The following MYO1E variants were observed in gnomAD, a reference collection of about 807,000 sequenced individuals.
MYO1E encodes the protein myosin IE.
Under a neutral mutation model 151.1 loss-of-function variants are expected in MYO1E, and 68 were observed. The observed-to-expected ratio is 0.45, with a 90% CI of 0.37 to 0.55. The LOEUF is 0.55. Among genes scored for constraint, MYO1E ranks in the 20% least tolerant of loss-of-function variants. The pLI is 0.00. For synonymous variants in MYO1E, 601 were observed against 501.7 expected (o/e 1.20, Z -2.64); for missense variants, 1,363 against 1,389.3 (o/e 0.98, Z 0.30).
intron 1 of MYO1E, among the ~76,000 whole-genome samples, chr15:59,355,055 T>G (rs1440170017): frequency 6.6e-6 from 1 of 152,190 alleles, no homozygotes; most frequent in Non-Finnish European, 1.5e-5. Context: ...GCGGCTGCCT[T>G]GCTGCCACCA....
chr15:59,248,050 C>G (rs1388648730), intron 4 of MYO1E, among the ~76,000 whole-genome samples: 1 of 145,834 alleles, frequency 6.9e-6, no homozygotes, highest in South Asian at 2.2e-4. Context: ...ATCACTTGAA[C>G]CCAGGAAGCA....
At chr15:59,211,287 C>T (rs532249807) in intron 12 of MYO1E, among the ~76,000 whole-genome samples, 7 of 151,978 alleles carry the variant, frequency 4.6e-5, no homozygotes, top group Non-Finnish European at 7.4e-5. Context: ...CTATGAGTTG[C>T]TCATTTAACT....
At chr15:59,259,438 T>C (rs986799137) in intron 3 of MYO1E, among the ~76,000 whole-genome samples, 2 of 152,212 alleles carry the variant, frequency 1.3e-5, no homozygotes, top group South Asian at 4.1e-4. Context: ...ACTCTCATAA[T>C]TTTGTTTAAA....
chr15:59,317,084 G>A (rs1383752288), intron 1 of MYO1E, among the ~76,000 whole-genome samples: 2 of 152,168 alleles, frequency 1.3e-5, no homozygotes, highest in Non-Finnish European at 2.9e-5. Context: ...TATGCCAAAA[G>A]GGGCATGTAC....
chr15:59,315,827 T>C (rs76886002), intron 1 of MYO1E, among the ~76,000 whole-genome samples: 2,894 of 152,282 alleles, frequency 0.019, 47 homozygotes, highest in African/African-American at 0.048. Context: ...CACACTTAGA[T>C]TAAGATTGGT....
intron 1 of MYO1E, among the ~76,000 whole-genome samples, chr15:59,293,538 T>A (rs2080431886): frequency 6.7e-6 from 1 of 149,568 alleles, no homozygotes; most frequent in African/African-American, 2.5e-5. Context: ...AGAGTGAGAC[T>A]CCCTCTAAAA....
At chr15:59,264,728 T>C (rs569715696) in intron 2 of MYO1E, among the ~76,000 whole-genome samples, 2 of 152,328 alleles carry the variant, frequency 1.3e-5, no homozygotes, top group South Asian at 2.1e-4. Flanking sequence ...CTAATCAAAA[T>C]TGAATGAACG....
At chr15:59,192,321 G>C (rs1280556669) in intron 17 of MYO1E, among the ~76,000 whole-genome samples, 1 of 151,324 alleles carries the variant, frequency 6.6e-6, no homozygotes, top group Non-Finnish European at 1.5e-5. Flanking sequence ...AAAGAAAAGA[G>C]AAAATACCAT....
chr15:59,364,314 A>C (rs1174893204), intron 1 of MYO1E, among the ~76,000 whole-genome samples: 3 of 152,146 alleles, frequency 2.0e-5, no homozygotes, highest in African/African-American at 7.2e-5. Context: ...GGGAATGTGG[A>C]GTATGCATCC....
chr15:59,297,007 TC>T (rs1567006954), intron 1 of MYO1E, among the ~76,000 whole-genome samples: 2 of 46,382 alleles, frequency 4.3e-5, no homozygotes, highest in Middle Eastern at 0.017. Context: ...GCCCGGCTAA[TC>T]GCCCGGCTAA....
At chr15:59,341,017 A>T (rs1214795012) in intron 1 of MYO1E, among the ~76,000 whole-genome samples, 1 of 7,740 alleles carries the variant, frequency 1.3e-4, no homozygotes, top group African/African-American at 1.1e-3. Flanking sequence ...ACTCCATCTC[A>T]AAAAAAAAAA....
intron 4 of MYO1E, among the ~76,000 whole-genome samples, chr15:59,240,100 A>T (rs1399058255): frequency 1.3e-5 from 2 of 152,234 alleles, no homozygotes; most frequent in Non-Finnish European, 2.9e-5. Context: ...GGACACACAC[A>T]CACAAATACT....
chr15:59,230,025 C>T (rs994365530), intron 6 of MYO1E, among the ~76,000 whole-genome samples: 6 of 151,984 alleles, frequency 3.9e-5, no homozygotes, highest in African/African-American at 1.5e-4. Flanking sequence ...AGATAATGAA[C>T]GATTAAAATT....
intron 1 of MYO1E, among the ~76,000 whole-genome samples, chr15:59,314,123 G>A (rs746677998): frequency 9.9e-5 from 15 of 152,150 alleles, no homozygotes; most frequent in Non-Finnish European, 2.2e-4. Flanking sequence ...ACAGAGGACT[G>A]TCATTTTAGG....
chr15:59,305,017 T>C (rs1180123996), intron 1 of MYO1E, among the ~76,000 whole-genome samples: 1 of 152,228 alleles, frequency 6.6e-6, no homozygotes, highest in African/African-American at 2.4e-5. Context: ...GAAGACAACA[T>C]GGCCGAGCTG....
chr15:59,252,226 C>A (rs2080169089), intron 4 of MYO1E, among the ~76,000 whole-genome samples: 2 of 152,154 alleles, frequency 1.3e-5, no homozygotes, highest in African/African-American at 4.8e-5. Context: ...ACTGAAAACA[C>A]AGGGCAGTGA....
chr15:59,194,873 G>T (rs1399295962), intron 17 of MYO1E, among the ~76,000 whole-genome samples: 1 of 152,216 alleles, frequency 6.6e-6, no homozygotes, highest in Non-Finnish European at 1.5e-5. Flanking sequence ...GGCTTCACTG[G>T]AAGTCAGGGC....
At chr15:59,139,304 C>A (rs1361804339) in intron 26 of MYO1E, among the ~76,000 whole-genome samples, 3 of 128,062 alleles carry the variant, frequency 2.3e-5, no homozygotes, top group Non-Finnish European at 5.0e-5. Context: ...CCTCCCACCC[C>A]CCTCATTCCT....
intron 1 of MYO1E, among the ~76,000 whole-genome samples, chr15:59,307,086 C>T (rs887826341): frequency 1.3e-5 from 2 of 152,176 alleles, no homozygotes; most frequent in African/African-American, 4.8e-5. Context: ...TGAAGGAGAG[C>T]ACCAAAGCAT....
Sources: allele counts gnomAD v4.1 joint callset (sites outside exome capture counted in the v4.1 genomes callset), GRCh38; gene constraint gnomAD v4.1.1; transcripts MANE v1.5; gene names NCBI Gene and HGNC (gene_info 2026-07-23, HGNC 2026-07-21).